The following DENND1B variants were observed in gnomAD, a reference collection of about 807,000 sequenced individuals.
DENND1B encodes DENN domain-containing protein 1B.
DENND1B carries 59 observed loss-of-function variants against 90.1 expected under a neutral mutation model. That is an observed-to-expected ratio of 0.65 (90% CI 0.53 to 0.81). The LOEUF (loss-of-function observed/expected upper bound fraction) is 0.81, where lower values mean the gene tolerates loss of function less well. DENND1B is among the 40% of genes least tolerant of loss of function. The pLI, the probability that DENND1B is intolerant of heterozygous loss-of-function variation, is 0.00. For synonymous variants in DENND1B, 337 were observed against 324.6 expected, an observed-to-expected ratio of 1.04 and a Z score of -0.41; for missense variants, 862 against 912.6, an observed-to-expected ratio of 0.94 and a Z score of 0.71.
upstream of DENND1B, among the ~76,000 whole-genome samples, chr1:197,776,827 A>C (rs1029107060): frequency 2.4e-4 from 36 of 152,246 alleles, no homozygotes; most frequent in African/African-American, 5.8e-4. Context: ...AACAAACAAA[A>C]AAAAAATGTG....
chr1:197,645,336 A>T (rs1237848107), intron 9 of DENND1B, among the ~76,000 whole-genome samples: 2 of 152,016 alleles, frequency 1.3e-5, no homozygotes, highest in Non-Finnish European at 2.9e-5. Flanking sequence ...TCTTCTCCAC[A>T]AGTAGAAGCC....
chr1:197,641,822 C>A (rs1262840673), intron 10 of DENND1B, among the ~76,000 whole-genome samples: 3 of 151,938 alleles, frequency 2.0e-5, no homozygotes, highest in Non-Finnish European at 2.9e-5. Context: ...TCCTGAAACT[C>A]CTTCTACTTT....
At chr1:197,695,654 A>G (rs1180923701) in intron 3 of DENND1B, among the ~76,000 whole-genome samples, 1 of 142,424 alleles carries the variant, frequency 7.0e-6, no homozygotes, top group Non-Finnish European at 1.5e-5. Context: ...TTTACATTTG[A>G]AAAAACAATA....
intron 2 of DENND1B, among the ~76,000 whole-genome samples, chr1:197,715,598 G>T (rs928491301): frequency 1.3e-5 from 2 of 151,606 alleles, no homozygotes; most frequent in Non-Finnish European, 3.0e-5. Flanking sequence ...TCTCATATTT[G>T]CAGTAATAGA....
intron 11 of DENND1B, among the ~76,000 whole-genome samples, chr1:197,615,804 A>G (rs1368078264): frequency 9.9e-5 from 15 of 151,020 alleles, no homozygotes; most frequent in Non-Finnish European, 3.0e-5. Context: ...TCTTGTTTGA[A>G]TATCACTGAC....
At chr1:197,576,195 A>G (rs1379136129) in intron 15 of DENND1B, among the ~76,000 whole-genome samples, 1 of 152,246 alleles carries the variant, frequency 6.6e-6, no homozygotes, top group Non-Finnish European at 1.5e-5. Context: ...CAGGAAGCAT[A>G]TTAATACTGA....
chr1:197,518,836 G>C (rs1054770426), intron 20 of DENND1B, among the ~76,000 whole-genome samples: 1 of 151,832 alleles, frequency 6.6e-6, no homozygotes, highest in Admixed American at 6.6e-5. Flanking sequence ...GAACACAAGT[G>C]GGGAGACTGT....
intron 9 of DENND1B, 143 bp downstream of exon 9, chr1:197,645,547 T>C (rs1680654057): frequency 1.1e-5 from 5 of 447,638 alleles, no homozygotes; most frequent in Non-Finnish European, 1.9e-5. Flanking sequence ...AATATCTTTA[T>C]TTCTTATTTC....
At chr1:197,690,168 C>T (rs1049673591) in intron 3 of DENND1B, 1 of 285,402 alleles carries the variant, frequency 3.5e-6, no homozygotes. Context: ...TGAAGCTCTT[C>T]CTAAGGATAA....
chr1:197,546,042 C>G, intron 17 of DENND1B, 52 bp from the exon 18 acceptor site: 1 of 1,477,554 alleles, frequency 6.8e-7, no homozygotes, highest in Non-Finnish European at 9.2e-7. Context: ...CTAAAATATC[C>G]TGAAAACAAA....
intron 2 of DENND1B, chr1:197,734,894 T>C: frequency 1.0e-6 from 1 of 985,278 alleles, no homozygotes; most frequent in South Asian, 4.7e-5. Flanking sequence ...ATGTCTGGCA[T>C]GGAGGAGTAT....
chr1:197,736,173 G>A, intron 2 of DENND1B: 1 of 535,634 alleles, frequency 1.9e-6, no homozygotes, highest in African/African-American at 2.0e-5. Flanking sequence ...ATATAGGTTG[G>A]AATACTGCAA....
chr1:197,747,175 G>A, intron 2 of DENND1B: 1 of 748,778 alleles, frequency 1.3e-6, no homozygotes, highest in South Asian at 1.4e-5. Context: ...TCTTGAGGTT[G>A]CGTTTTTCTG....
intron 3 of DENND1B, among the ~76,000 whole-genome samples, chr1:197,681,303 T>C (rs1363668417): frequency 6.6e-6 from 1 of 152,140 alleles, no homozygotes; most frequent in Non-Finnish European, 1.5e-5. Context: ...ACTGTTAACA[T>C]TGCAAAGTTA....
intron 2 of DENND1B, among the ~76,000 whole-genome samples, chr1:197,761,007 T>C (rs868627826): frequency 2.2e-4 from 33 of 152,310 alleles, no homozygotes; most frequent in African/African-American, 6.7e-4. Flanking sequence ...TTATTTCTTC[T>C]CTAACATGTC....
intron 15 of DENND1B, 117 bp from the exon 16 acceptor site, chr1:197,553,229 T>G (rs1671400193): frequency 1.3e-6 from 1 of 786,136 alleles, no homozygotes; most frequent in South Asian, 2.4e-5. Flanking sequence ...AATAACAGAC[T>G]CTTGTATAAA....
intron 15 of DENND1B, among the ~76,000 whole-genome samples, chr1:197,564,898 C>G (rs1363154386): frequency 6.6e-6 from 1 of 151,928 alleles, no homozygotes; most frequent in Non-Finnish European, 1.5e-5. Flanking sequence ...AATCAGTTAA[C>G]AAGAGATGCT....
In DENND1B at chr1:197,504,888, C is replaced by A. The variant is rs779380316; in HGVS notation, c.*5572G>T. ...TTATACACATCTTCCCAATAGTAGT[C>A]AAGTTTGGAGATGATTTATACTGTA... On this transcript the variant is annotated 3_prime_UTR_variant, in exon 23 of 23. Coordinates refer to ENST00000620048, the MANE Select transcript of DENND1B (RefSeq NM_001195215.2). 12 of 151,712 alleles carry A rather than the reference C, an allele frequency of 7.9e-5. No homozygotes were observed. The highest frequency in any genetic ancestry group is 7.2e-4 in the Admixed American group (11 of 15,196). 9.4% of individuals were successfully genotyped at this position (151,712 alleles called of 1,614,324 possible).
At position 197,647,239 on chromosome 1, in the gene DENND1B, T is replaced by C. The variant is rs1405878111; in HGVS notation, c.448-125A>G. Reference sequence around the variant, plus strand: ...TAGCCACTAAAAAATACTTGAATAATACTAATTATAAGTATTATTTTAAAT... The same window carrying C: ...TAGCCACTAAAAAATACTTGAATAACACTAATTATAAGTATTATTTTAAAT... On this transcript the variant is annotated intron_variant, in intron 7 of 22. Coordinates refer to ENST00000620048, the MANE Select transcript of DENND1B (RefSeq NM_001195215.2). 4 of 465,808 alleles carry C rather than the reference T, an allele frequency of 8.6e-6. No homozygotes were observed. In the South Asian group the frequency reaches 2.7e-4, roughly 31 times the overall value. 28.9% of individuals were successfully genotyped at this position (465,808 alleles called of 1,614,324 possible).
Sources: allele counts gnomAD v4.1 joint callset (sites outside exome capture counted in the v4.1 genomes callset), GRCh38; gene constraint gnomAD v4.1.1; transcripts MANE v1.5; gene names NCBI Gene and HGNC (gene_info 2026-07-23, HGNC 2026-07-21).